Variants in ESR1 observed in about 807,000 individuals in gnomAD.
ESR1 encodes estrogen receptor 1, also known as estrogen receptor.
ESR1 carries 12 observed loss-of-function variants against 52.7 expected under a neutral mutation model. That is an observed-to-expected ratio of 0.23 (90% CI 0.15 to 0.37). The LOEUF (loss-of-function observed/expected upper bound fraction) is 0.37. ESR1 is among the 10% of genes least tolerant of loss of function. ESR1 has a pLI of 1.00. For synonymous variants in ESR1, 305 were observed against 316.8 expected, an observed-to-expected ratio of 0.96 and a Z score of 0.39; for missense variants, 584 against 779.7, an observed-to-expected ratio of 0.75 and a Z score of 2.99.
At chr6:151,858,881 A>G (rs1267574849) in intron 2 of ESR1, among the ~76,000 whole-genome samples, 1 of 152,234 alleles carries the variant, frequency 6.6e-6, no homozygotes, top group Non-Finnish European at 1.5e-5. Flanking sequence ...GAGGAGACCA[A>G]TTTACTTCTG....
chr6:151,661,113 A>G (rs1777622575), intron 1 of ESR1, among the ~76,000 whole-genome samples: 1 of 143,794 alleles, frequency 7.0e-6, no homozygotes, highest in Non-Finnish European at 1.6e-5. Context: ...TAAAAATTAT[A>G]GTACAATTAA....
intron 2 of ESR1, among the ~76,000 whole-genome samples, chr6:151,848,420 T>C (rs1433997481): frequency 1.4e-5 from 2 of 139,118 alleles, no homozygotes; most frequent in East Asian, 2.1e-4. Context: ...ATGGCACATG[T>C]ATACATATGT....
At chr6:151,751,592 A>T (rs1428847185) in intron 2 of ESR1, among the ~76,000 whole-genome samples, 1 of 152,230 alleles carries the variant, frequency 6.6e-6, no homozygotes, top group Non-Finnish European at 1.5e-5. Context: ...GGGGGGAAAA[A>T]TCCCAAATAG....
chr6:151,813,220 A>C (rs1466654709), intron 1 of ESR1: 4 of 143,530 alleles, frequency 2.8e-5, no homozygotes, highest in Middle Eastern at 7.0e-3. Flanking sequence ...AGATCACCTC[A>C]AAAAATATAG....
intron 1 of ESR1, among the ~76,000 whole-genome samples, chr6:151,834,533 C>T (rs1389411048): frequency 1.3e-5 from 2 of 152,070 alleles, no homozygotes; most frequent in East Asian, 3.9e-4. Context: ...GAACATTACA[C>T]ACCTGGGGTC....
At chr6:151,850,080 TTA>T (rs1156493076) in intron 2 of ESR1, among the ~76,000 whole-genome samples, 110 of 48,434 alleles carry the variant, frequency 2.3e-3, no homozygotes, top group Admixed American at 3.1e-3. Context: ...ATATAAAAAA[TTA>T]TATATATATA....
intron 5 of ESR1, among the ~76,000 whole-genome samples, chr6:152,012,052 ACTCTCTCTCT>A (rs149855024): frequency 7.0e-6 from 1 of 143,374 alleles, no homozygotes; most frequent in South Asian, 2.2e-4. Context: ...ACACACTCAC[ACTCTCTCTCT>A]CTCTCTCTCT....
intron 4 of ESR1, among the ~76,000 whole-genome samples, chr6:152,006,381 T>C (rs2042335078): frequency 1.3e-5 from 2 of 149,006 alleles, no homozygotes; most frequent in South Asian, 2.1e-4. Flanking sequence ...AGTCCAAACA[T>C]TTTTTTTTTG....
In ESR1 at chr6:151,791,039, A is replaced by G. The variant is rs1776099985; in HGVS notation, c.-70-16804A>G. ...TTGTTTACAGTGATTGAGTAGAATC[A>G]TTGCATCTGGTCATGAATAGAAAGA... On this transcript the variant is annotated intron_variant, in intron 2 of 2. Coordinates refer to the ESR1 transcript ENST00000404742. 3.3e-5 allele frequency among the ~76,000 whole-genome samples: 5 copies of G among 152,292 alleles called. No individual in the cohort carries two copies. The South Asian group carries it at 1.0e-3, about 32-fold the overall frequency.
chr6:151,781,986 G>A (rs972785967), intron 2 of ESR1, among the ~76,000 whole-genome samples: 3 of 152,218 alleles, frequency 2.0e-5, no homozygotes, highest in African/African-American at 7.2e-5. Flanking sequence ...TACTAAGGAC[G>A]AGATGCACAT....
chr6:151,956,843 A>AATAAATAAATATAT (rs1554293623), intron 4 of ESR1, among the ~76,000 whole-genome samples: 1 of 44,466 alleles, frequency 2.2e-5, no homozygotes, highest in East Asian at 3.3e-4. Flanking sequence ...AATATAAATA[A>AATAAATAAATATAT]ATATATATAT....
chr6:151,849,599 G>A (rs1052829116), intron 2 of ESR1, among the ~76,000 whole-genome samples: 4 of 151,338 alleles, frequency 2.6e-5, no homozygotes, highest in East Asian at 1.9e-4. Flanking sequence ...AGCTGAGATC[G>A]CGACACTGCA....
At chr6:151,818,017 A>G (rs899127864) in intron 1 of ESR1, among the ~76,000 whole-genome samples, 4 of 152,230 alleles carry the variant, frequency 2.6e-5, no homozygotes, top group African/African-American at 7.2e-5. Flanking sequence ...GGAGGACTCA[A>G]TTAAAGCTCT....
chr6:152,078,511 T>C (rs996636235), intron 6 of ESR1, among the ~76,000 whole-genome samples: 1 of 152,208 alleles, frequency 6.6e-6, no homozygotes, highest in African/African-American at 2.4e-5. Context: ...GCTTCCAAGA[T>C]GGCTGAATAG....
intron 2 of ESR1, among the ~76,000 whole-genome samples, chr6:151,713,356 A>G (rs1292073609): frequency 6.6e-6 from 1 of 152,226 alleles, no homozygotes; most frequent in Non-Finnish European, 1.5e-5. Context: ...GCCTCATAAA[A>G]TGAGTTAGGG....
At chr6:151,964,643 T>C (rs2982695) in intron 4 of ESR1, among the ~76,000 whole-genome samples, 76,362 of 128,858 alleles carry the variant, frequency 0.59, 22,494 homozygotes, top group Middle Eastern at 0.73. Context: ...CCCTATTTTC[T>C]TTCTTTTTTT....
At chr6:151,941,711 C>G (rs546463422) in intron 3 of ESR1, among the ~76,000 whole-genome samples, 1 of 152,180 alleles carries the variant, frequency 6.6e-6, no homozygotes, top group Admixed American at 6.5e-5. Flanking sequence ...TCTTGGAAAC[C>G]CTCAGTGATA....
At chr6:151,860,849 A>G (rs1464342252) in intron 2 of ESR1, among the ~76,000 whole-genome samples, 1 of 152,260 alleles carries the variant, frequency 6.6e-6, no homozygotes, top group African/African-American at 2.4e-5. Flanking sequence ...AGAAGAGATC[A>G]GAACATTTAA....
intron 1 of ESR1, among the ~76,000 whole-genome samples, chr6:151,683,721 T>C (rs1307493582): frequency 6.6e-6 from 1 of 151,020 alleles, no homozygotes; most frequent in Non-Finnish European, 1.5e-5. Flanking sequence ...TTTTTTGAGA[T>C]AGAGTCTCAC....
Sources: allele counts gnomAD v4.1 joint callset (sites outside exome capture counted in the v4.1 genomes callset), GRCh38; gene constraint gnomAD v4.1.1; transcripts MANE v1.5; gene names NCBI Gene and HGNC (gene_info 2026-07-23, HGNC 2026-07-21).